Variants in CDH4 observed in about 807,000 individuals in gnomAD.
CDH4 encodes the protein cadherin-4.
CDH4 carries 33 observed loss-of-function variants against 86.0 expected under a neutral mutation model. That is an observed-to-expected ratio of 0.38 (90% CI 0.29 to 0.51). The LOEUF is 0.51. Among genes scored for constraint, CDH4 ranks in the 20% least tolerant of loss-of-function variants. CDH4 has a pLI of 0.86. For synonymous variants in CDH4, 555 were observed against 549.4 expected, an observed-to-expected ratio of 1.01 and a Z score of -0.14; for missense variants, 1,114 against 1,307.4, an observed-to-expected ratio of 0.85 and a Z score of 2.28.
intron 2 of CDH4, among the ~76,000 whole-genome samples, chr20:61,374,046 G>A (rs957356100): frequency 1.3e-5 from 2 of 152,158 alleles, no homozygotes; most frequent in African/African-American, 4.8e-5. Context: ...CAGAGCCCGC[G>A]GGGCTCCTGC....
chr20:61,767,615 C>T (rs558176344), intron 3 of CDH4, among the ~76,000 whole-genome samples: 4 of 152,284 alleles, frequency 2.6e-5, no homozygotes, highest in East Asian at 1.9e-4. Flanking sequence ...CCAGAGTGGG[C>T]GCTTTGGGCC....
intron 2 of CDH4, among the ~76,000 whole-genome samples, chr20:61,418,921 C>A (rs1469857274): frequency 1.3e-5 from 2 of 152,198 alleles, no homozygotes; most frequent in African/African-American, 2.4e-5. Flanking sequence ...GGCCACATCA[C>A]TCCAATCTCT....
rs2087449829 is a variant in CDH4, at chr20:61,676,856, G to T, written c.170-66707G>T. ...AGGGGAGGTCAGGGGAGGCCTGGCT[G>T]GGTGGCCTTTGCCAGGGGAGGCCTG... On this transcript the variant is annotated intron_variant, in intron 2 of 15. Transcript: ENST00000614565. This position sits in a 1 kb window ranked among gnomAD's most constrained non-coding sequence, Gnocchi z 4.5. 6.6e-6 allele frequency among the ~76,000 whole-genome samples: 1 copy of T among 152,142 alleles called. No individual in the cohort carries two copies. Among genetic ancestry groups the T allele is most frequent in the Non-Finnish European group, 1.5e-5 (1 of 68,024 alleles).
At chr20:61,904,431 TTC>T (rs2054766075) in intron 8 of CDH4, among the ~76,000 whole-genome samples, 2 of 152,116 alleles carry the variant, frequency 1.3e-5, no homozygotes, top group Admixed American at 1.3e-4. Context: ...CCTGGCCCCC[TTC>T]TTTCTTGATG....
chr20:61,335,735 G>C (rs758109919), intron 2 of CDH4, among the ~76,000 whole-genome samples: 2 of 152,150 alleles, frequency 1.3e-5, no homozygotes, highest in Non-Finnish European at 2.9e-5. Flanking sequence ...TCCCTGGCTC[G>C]GGTGCCGAAG....
intron 2 of CDH4, among the ~76,000 whole-genome samples, chr20:61,349,296 A>G (rs1348543304): frequency 1.3e-5 from 2 of 152,218 alleles, no homozygotes; most frequent in Non-Finnish European, 2.9e-5. Context: ...CTGGGGAGAA[A>G]GGTGGCTGCA....
chr20:61,827,489 C>T (rs937702655), intron 4 of CDH4, among the ~76,000 whole-genome samples: 3 of 152,200 alleles, frequency 2.0e-5, no homozygotes, highest in Non-Finnish European at 4.4e-5. Context: ...AAAGGAGACA[C>T]AGATGTGAAA....
chr20:61,822,893 G>A (rs1041965017), intron 4 of CDH4, among the ~76,000 whole-genome samples: 1 of 151,796 alleles, frequency 6.6e-6, no homozygotes, highest in African/African-American at 2.4e-5. Flanking sequence ...CAGAGGAGCA[G>A]GTCGAAGATC....
intron 2 of CDH4, among the ~76,000 whole-genome samples, chr20:61,412,815 G>C (rs1030297232): frequency 6.6e-6 from 1 of 152,144 alleles, no homozygotes; most frequent in African/African-American, 2.4e-5. Context: ...AGATGGCCAG[G>C]CCTGGCTCAT....
At chr20:61,261,864 A>G (rs1175223850) in intron 2 of CDH4, among the ~76,000 whole-genome samples, 1 of 152,182 alleles carries the variant, frequency 6.6e-6, no homozygotes, top group Non-Finnish European at 1.5e-5. Context: ...TAAACTCTCG[A>G]CACCGGGGGT....
chr20:61,354,098 AG>A (rs952581788), intron 2 of CDH4, among the ~76,000 whole-genome samples: 3 of 152,186 alleles, frequency 2.0e-5, no homozygotes, highest in South Asian at 4.2e-4. Flanking sequence ...GAGAACGTCT[AG>A]GGATGTTGGG....
At chr20:61,733,940 C>T (rs933394142) in intron 2 of CDH4, among the ~76,000 whole-genome samples, 5 of 152,234 alleles carry the variant, frequency 3.3e-5, no homozygotes, top group African/African-American at 9.6e-5. Flanking sequence ...CAGCCTGCTG[C>T]GCCCGTAAAT....
chr20:61,741,389 C>G (rs1413650990), intron 2 of CDH4, among the ~76,000 whole-genome samples: 1 of 152,220 alleles, frequency 6.6e-6, no homozygotes, highest in Non-Finnish European at 1.5e-5. Flanking sequence ...GTTCATATGG[C>G]TGACGCCACC....
At chr20:61,524,826 A>C (rs575086731) in intron 2 of CDH4, among the ~76,000 whole-genome samples, 19 of 152,324 alleles carry the variant, frequency 1.2e-4, no homozygotes, top group African/African-American at 4.3e-4. Flanking sequence ...TTTAAATTCC[A>C]TTCTCATTCA....
intron 4 of CDH4, among the ~76,000 whole-genome samples, chr20:61,802,698 A>G (rs1464946905): frequency 6.6e-6 from 1 of 152,196 alleles, no homozygotes; most frequent in East Asian, 1.9e-4. Context: ...CAGCCCTGGG[A>G]GCTGCCTCCC....
intron 2 of CDH4, among the ~76,000 whole-genome samples, chr20:61,401,927 A>C (rs1215552824): frequency 1.3e-5 from 2 of 152,222 alleles, no homozygotes; most frequent in Non-Finnish European, 2.9e-5. Context: ...GGAAGAACTG[A>C]CCAGCTGCAC....
Position 61,887,269 on chromosome 20 carries a change from G to T in CDH4, c.1051-7641G>T, listed in dbSNP as rs774746471. Among the ~76,000 whole-genome samples the T allele has an allele frequency of 9.1e-4, 139 of 152,276 alleles. 1 individual carries two copies. The highest frequency in any genetic ancestry group is 4.6e-3 in the Admixed American group (70 of 15,306). ...GGAAGGCCACTGGCTGCTTCCGGGG[G>T]TCCCCTGGGAGAGTTCTTCCTTCCT... On this transcript the variant is annotated intron_variant, in intron 7 of 15. Coordinates refer to ENST00000614565, the MANE Select transcript of CDH4 (RefSeq NM_001794.5).
rs112783600 is a variant in CDH4, at chr20:61,674,201, T to C, written c.170-69362T>C. Reference sequence around the variant, plus strand: ...ACACGCAAGGAAGAGCCAAGACTAGTGGAGCCCCAAGCCTGAGCTGCCCCG... The same window carrying C: ...ACACGCAAGGAAGAGCCAAGACTAGCGGAGCCCCAAGCCTGAGCTGCCCCG... On this transcript the variant is annotated intron_variant, in intron 2 of 15. Coordinates refer to ENST00000614565, the MANE Select transcript of CDH4 (RefSeq NM_001794.5). Among the ~76,000 whole-genome samples, 564 of 151,962 alleles carry C rather than the reference T, an allele frequency of 3.7e-3. 4 individuals are homozygous for C. Among genetic ancestry groups the C allele is most frequent in the Admixed American group, 7.2e-3 (110 of 15,274 alleles).
At chr20:61,815,242 C>G (rs1332947674) in intron 4 of CDH4, among the ~76,000 whole-genome samples, 1 of 152,196 alleles carries the variant, frequency 6.6e-6, no homozygotes, top group East Asian at 1.9e-4. Context: ...GATCACAGGC[C>G]TGACACATCC....
Sources: gnomAD v4.1 joint callset for allele counts (sites outside exome capture counted in the v4.1 genomes callset) on GRCh38, gnomAD v4.1.1 for gene constraint, Gnocchi (gnomAD v3.1) non-coding constraint, MANE v1.5 for transcripts, NCBI Gene and HGNC (gene_info 2026-07-23, HGNC 2026-07-21) for gene names.